The following YEATS2 variants were observed in gnomAD, a reference collection of about 807,000 sequenced individuals.
YEATS2 encodes the protein YEATS domain containing 2.
YEATS2 carries 77 observed loss-of-function variants against 163.2 expected under a neutral mutation model. The observed-to-expected ratio is 0.47, with a 90% CI of 0.39 to 0.57. YEATS2 has a LOEUF of 0.57. YEATS2 is among the 20% of genes least tolerant of loss of function. The pLI is 0.00. For synonymous variants in YEATS2, 631 were observed against 645.1 expected (o/e 0.98, Z 0.33); for missense variants, 1,549 against 1,729.8 (o/e 0.90, Z 1.85).
intron 2 of YEATS2, among the ~76,000 whole-genome samples, chr3:183,716,974 C>T (rs926975362): frequency 2.0e-5 from 3 of 151,844 alleles, no homozygotes; most frequent in African/African-American, 7.3e-5. Context: ...CTCACTGCCA[C>T]CTCTGCCTCC....
chr3:183,763,631 G>A (rs1721602456), intron 15 of YEATS2, among the ~76,000 whole-genome samples: 1 of 152,194 alleles, frequency 6.6e-6, no homozygotes. Context: ...AAATGACAAA[G>A]TGTTTAAAGT....
intron 21 of YEATS2, 30 bp from the exon 22 acceptor site, chr3:183,797,893 A>G (rs754566658): frequency 6.2e-7 from 1 of 1,613,120 alleles, no homozygotes; most frequent in Admixed American, 1.7e-5. Flanking sequence ...CCTGACCTTC[A>G]ACTTGGCTTT....
At chr3:183,727,495 G>C (rs1316595415) in intron 6 of YEATS2, among the ~76,000 whole-genome samples, 1 of 152,084 alleles carries the variant, frequency 6.6e-6, no homozygotes, top group Non-Finnish European at 1.5e-5. Context: ...AATCCCATCA[G>C]GGTTCATGAC....
chr3:183,767,606 C>T (rs906606273), intron 15 of YEATS2, among the ~76,000 whole-genome samples: 1 of 152,150 alleles, frequency 6.6e-6, no homozygotes, highest in Non-Finnish European at 1.5e-5. Flanking sequence ...TGGTCTCAAA[C>T]TTCTGACCTT....
Position 183,761,491 on chromosome 3 carries a change from AT to A in YEATS2, c.1657-11del, listed in dbSNP as rs749042701. ...CATTTCTCCTGATTGTAAAATATGT[AT>A]TTTTACACACACAGCAGGAGGATTC... On this transcript the variant is annotated splice_polypyrimidine_tract_variant and intron_variant, in intron 13 of 30. Transcript: ENST00000305135. 6 of 1,601,092 alleles carry A rather than the reference AT, an allele frequency of 3.7e-6. No individual in the cohort carries two copies. The highest frequency in any genetic ancestry group is 1.7e-6 in the Non-Finnish European group (2 of 1,168,302).
intron 5 of YEATS2, among the ~76,000 whole-genome samples, chr3:183,724,205 C>T (rs1346964268): frequency 6.6e-6 from 1 of 152,156 alleles, no homozygotes; most frequent in African/African-American, 2.4e-5. Context: ...CTATTAAAAA[C>T]ACACCGGGAG....
intron 13 of YEATS2, among the ~76,000 whole-genome samples, chr3:183,759,617 T>C (rs1054454394): frequency 7.2e-5 from 11 of 152,240 alleles, no homozygotes; most frequent in Non-Finnish European, 1.5e-4. Flanking sequence ...GTTCCTATCT[T>C]TTCTATGTTT....
chr3:183,729,203 C>T (rs1177720935), intron 7 of YEATS2, among the ~76,000 whole-genome samples: 9 of 150,656 alleles, frequency 6.0e-5, no homozygotes, highest in African/African-American at 2.2e-4. Flanking sequence ...ACCAGGGAGG[C>T]GGAGCTTGCA....
intron 29 of YEATS2, 34 bp downstream of exon 29, chr3:183,808,138 A>T: frequency 1.3e-6 from 2 of 1,541,042 alleles, no homozygotes; most frequent in Non-Finnish European, 1.8e-6. Flanking sequence ...GCCAGGAAGG[A>T]TGGTTGCATC....
chr3:183,782,433 T>C (rs1021920479), intron 19 of YEATS2, among the ~76,000 whole-genome samples: 1 of 150,784 alleles, frequency 6.6e-6, no homozygotes, highest in South Asian at 2.1e-4. Context: ...TTAATTTTTT[T>C]ATTTTTTGAG....
chr3:183,769,755 C>T (rs1001252006), intron 15 of YEATS2, among the ~76,000 whole-genome samples: 8 of 152,022 alleles, frequency 5.3e-5, no homozygotes, highest in African/African-American at 7.2e-5. Flanking sequence ...TGCAGTGGCA[C>T]GATCTCAGCT....
rs768184638 is a variant in YEATS2, at chr3:183,724,490, A to C, written c.609A>C (p.Arg203=). ...RNADLTDETS[R]LFVKKTIVVG... ...CTGATCTCACAGATGAGACTTCACG[A>C]CTTTTTGTAAAGAAAACAATAGTAG... The change falls in exon 6 of 31, where the codon CGA becomes CGC. Residue 203 remains arginine (R), a synonymous_variant. Transcript: ENST00000305135. The C allele has an allele frequency of 5.1e-5, 82 of 1,613,736 alleles. No homozygotes were observed. Among genetic ancestry groups the C allele is most frequent in the Non-Finnish European group, 3.4e-5 (40 of 1,179,880 alleles).
intron 7 of YEATS2, among the ~76,000 whole-genome samples, chr3:183,733,012 C>A (rs1328619133): frequency 6.6e-6 from 1 of 152,022 alleles, no homozygotes; most frequent in African/African-American, 2.4e-5. Flanking sequence ...AGGCGTGTGC[C>A]ACCTATGTCC....
chr3:183,728,542 C>A, intron 6 of YEATS2, 148 bp from the exon 7 acceptor site: 1 of 677,524 alleles, frequency 1.5e-6, no homozygotes, highest in Non-Finnish European at 2.3e-6. Flanking sequence ...GATTAACTTG[C>A]AAAGACTCAT....
chr3:183,801,371 C>T, intron 24 of YEATS2, 84 bp from the exon 25 acceptor site: 1 of 875,444 alleles, frequency 1.1e-6, no homozygotes, highest in Non-Finnish European at 1.7e-6. Flanking sequence ...GGAATATATC[C>T]ATTAAGTACA....
chr3:183,791,148 C>G (rs770879301), intron 21 of YEATS2, among the ~76,000 whole-genome samples, 168 bp downstream of exon 21: 4 of 152,216 alleles, frequency 2.6e-5, no homozygotes, highest in Non-Finnish European at 5.9e-5. Context: ...ATCCTCCCAC[C>G]TCAGCCTCTT....
chr3:183,785,557 G>A (rs1213412966), intron 19 of YEATS2, among the ~76,000 whole-genome samples: 1 of 151,844 alleles, frequency 6.6e-6, no homozygotes, highest in Non-Finnish European at 1.5e-5. Context: ...TCGAAAGGCT[G>A]GGGCAGGAGG....
chr3:183,800,239 G>T (rs140818994), intron 23 of YEATS2, among the ~76,000 whole-genome samples: 4 of 152,106 alleles, frequency 2.6e-5, no homozygotes, highest in South Asian at 2.1e-4. Context: ...TATTGCAGCC[G>T]CCCTGTCATG....
intron 27 of YEATS2, among the ~76,000 whole-genome samples, chr3:183,805,803 GGC>G (rs1726136463): frequency 6.6e-6 from 1 of 151,850 alleles, no homozygotes; most frequent in African/African-American, 2.4e-5. Flanking sequence ...AAAAAGGGGG[GGC>G]AAGTCCCAGT....
Sources: allele counts gnomAD v4.1 joint callset (sites outside exome capture counted in the v4.1 genomes callset), GRCh38; gene constraint gnomAD v4.1.1; transcripts MANE v1.5; gene names NCBI Gene and HGNC (gene_info 2026-07-23, HGNC 2026-07-21).